TTC3: variants seen among roughly 807,000 people sequenced by gnomAD.
The protein encoded by TTC3 is tetratricopeptide repeat domain 3.
Under a neutral mutation model 249.6 loss-of-function variants are expected in TTC3, and 180 were observed. The observed-to-expected ratio is 0.72, with a 90% confidence interval of 0.64 to 0.82. The LOEUF (loss-of-function observed/expected upper bound fraction) is 0.82, where lower values mean the gene tolerates loss of function less well. Among genes scored for constraint, TTC3 ranks in the 40% least tolerant of loss-of-function variants. The pLI is 0.00. For missense variants in TTC3, 2,061 were observed against 2,398.4 expected, an observed-to-expected ratio of 0.86 and a Z score of 2.94; for synonymous variants, 717 against 805.0, an observed-to-expected ratio of 0.89 and a Z score of 1.85.
At position 37,090,295 on chromosome 21, in the gene TTC3, T is replaced by TA. The variant is rs772573886; in HGVS notation, c.480+12dup. 7 of 1,603,248 alleles carry TA rather than the reference T, an allele frequency of 4.4e-6. No homozygotes were observed. In the Admixed American group the frequency reaches 8.5e-5, roughly 19 times the overall value. On this transcript the variant is annotated intron_variant, in intron 6 of 45. Transcript: ENST00000355666. ...GTTGTAAAATAGAAAATGTAAGTGT[T>TA]AAACACTGAAACTGGCACAGCCACT...
intron 28 of TTC3, chr21:37,157,140 A>G: frequency 7.0e-7 from 1 of 1,435,610 alleles, no homozygotes; most frequent in Non-Finnish European, 9.3e-7. Flanking sequence ...CTAACAATAC[A>G]CAATGTTCTT....
chr21:37,194,358 T>C (rs1403664042), intron 41 of TTC3: 1 of 152,204 alleles, frequency 6.6e-6, no homozygotes, highest in Non-Finnish European at 1.5e-5. Flanking sequence ...CATGGTCACA[T>C]TGTGACCTCC....
intron 27 of TTC3, among the ~76,000 whole-genome samples, chr21:37,156,207 T>TTTTTG (rs71198854): frequency 0.042 from 3,691 of 88,918 alleles, 82 homozygotes; most frequent in Non-Finnish European, 0.049. Context: ...TGGCTAACTC[T>TTTTTG]TTTTTTTTTT....
At chr21:37,161,667 G>A (rs2080766864) in intron 30 of TTC3, among the ~76,000 whole-genome samples, 1 of 152,208 alleles carries the variant, frequency 6.6e-6, no homozygotes, top group Non-Finnish European at 1.5e-5. Context: ...TTCAAAGGAT[G>A]AGAACAGTTA....
chr21:37,087,201 T>C (rs2072606033), intron 1 of TTC3, 46 bp from the exon 2 acceptor site: 3 of 1,593,626 alleles, frequency 1.9e-6, no homozygotes, highest in Admixed American at 1.8e-5. Context: ...TCTTCTGTTA[T>C]CTCAAATGAT....
chr21:37,197,033 T>C (rs185056992), intron 42 of TTC3, among the ~76,000 whole-genome samples: 1 of 152,336 alleles, frequency 6.6e-6, no homozygotes, highest in Admixed American at 6.5e-5. Context: ...GTAGAGGCGG[T>C]GTCTCTGAAG....
intron 32 of TTC3, among the ~76,000 whole-genome samples, chr21:37,165,029 T>C (rs1448189879): frequency 6.6e-6 from 1 of 152,198 alleles, no homozygotes; most frequent in Non-Finnish European, 1.5e-5. Flanking sequence ...AGAGAACTCT[T>C]GGGTGACAGT....
In TTC3 at chr21:37,107,345, AT is replaced by A. The variant is rs903812231; in HGVS notation, c.846-1045del. ...TGAGAGGTGGATACCTGAATTAGTG[AT>A]TGAACAGTTTGAAGTTTGAACAGTT... On this transcript the variant is annotated intron_variant, in intron 10 of 45. Coordinates refer to ENST00000355666, the Ensembl canonical transcript of TTC3. Among the ~76,000 whole-genome samples, 26 of 152,292 alleles carry A rather than the reference AT, an allele frequency of 1.7e-4. No individual in the cohort carries two copies. The South Asian group carries it at 2.5e-3, about 15-fold the overall frequency.
At chr21:37,155,695 T>G (rs1177683933) in intron 27 of TTC3, among the ~76,000 whole-genome samples, 1 of 152,220 alleles carries the variant, frequency 6.6e-6, no homozygotes, top group Non-Finnish European at 1.5e-5. Context: ...TCCTTTTTGC[T>G]GGCTGTTCAT....
rs2081037458 is a variant in TTC3 at position 37,164,154 on chromosome 21, G to T, written c.3274G>T (p.Val1092Phe). The T allele has an allele frequency of 1.9e-6, 3 of 1,613,430 alleles. No individual in the cohort carries two copies. In the African/African-American group the frequency reaches 4.0e-5, roughly 22 times the overall value. ...CTATGACCAACACAGTAACGAATAT[G>T]TTGTCCGCAATAAGAAGCTATGGGA... Residue 1092 changes from valine to phenylalanine, a missense_variant, in exon 32 of 46, where the codon GTT becomes TTT. Val to Phe is a conservative substitution (Grantham distance 50). This residue lies in a region of TTC3 where 1,040 missense variants were observed against 1,186.1 expected (regional missense o/e 0.88). Coordinates refer to ENST00000355666, the Ensembl canonical transcript of TTC3.
intron 21 of TTC3, among the ~76,000 whole-genome samples, chr21:37,145,912 C>T (rs971223727): frequency 6.6e-6 from 1 of 152,186 alleles, no homozygotes; most frequent in Non-Finnish European, 1.5e-5. Flanking sequence ...CTCAAAACAC[C>T]TCCCACTGTG....
At chr21:37,104,309 G>T (rs1350995649) in intron 10 of TTC3, among the ~76,000 whole-genome samples, 1 of 152,082 alleles carries the variant, frequency 6.6e-6, no homozygotes, top group African/African-American at 2.4e-5. Flanking sequence ...GCCTTTGAAG[G>T]CCAGGCATGG....
chr21:37,182,725 TA>T, intron 35 of TTC3, 48 bp from the exon 36 acceptor site: 1 of 1,496,334 alleles, frequency 6.7e-7, no homozygotes, highest in South Asian at 1.3e-5. Flanking sequence ...TCTCTTTTGT[TA>T]AAAAGTATAT....
intron 18 of TTC3, among the ~76,000 whole-genome samples, chr21:37,136,372 A>AAGG (rs1417770000): frequency 1.3e-5 from 2 of 152,234 alleles, no homozygotes; most frequent in Non-Finnish European, 2.9e-5. Flanking sequence ...AATGCAAAGA[A>AAGG]ACAGTTTTTG....
In TTC3 at chr21:37,090,932, T is replaced by A. The variant is rs548982801; in HGVS notation, c.481-361T>A. 1.7e-4 allele frequency among the ~76,000 whole-genome samples: 26 copies of A among 152,304 alleles called. No individual in the cohort carries two copies. The South Asian group carries it at 5.4e-3, about 32-fold the overall frequency. The stretch of plus-strand genomic sequence containing the variant: ...CTTGGGGTAAGGATGGAAGTCTTTG[T>A]GTAGATGAGATCTGAGAACCCTCAT... On this transcript the variant is annotated intron_variant, in intron 6 of 45. Coordinates refer to ENST00000355666, the Ensembl canonical transcript of TTC3.
chr21:37,077,276 G>A (rs1040326880), intron 1 of TTC3, among the ~76,000 whole-genome samples: 1 of 152,014 alleles, frequency 6.6e-6, no homozygotes, highest in African/African-American at 2.4e-5. Context: ...TCATCTTAAT[G>A]GGTAAAGGGT....
At chr21:37,104,610 GAAA>G (rs1292462847) in intron 10 of TTC3, among the ~76,000 whole-genome samples, 2 of 121,686 alleles carry the variant, frequency 1.6e-5, no homozygotes, top group Non-Finnish European at 3.5e-5. Flanking sequence ...AAAAAAAAAA[GAAA>G]GAAGTGCCTT....
chr21:37,149,436 G>A (rs1298929700), intron 23 of TTC3, among the ~76,000 whole-genome samples: 1 of 152,150 alleles, frequency 6.6e-6, no homozygotes, highest in African/African-American at 2.4e-5. Flanking sequence ...GTAAATAACT[G>A]TCACCTTTGA....
intron 16 of TTC3, among the ~76,000 whole-genome samples, chr21:37,132,210 T>C (rs1404300247): frequency 6.6e-6 from 1 of 152,216 alleles, no homozygotes; most frequent in African/African-American, 2.4e-5. Context: ...CCCCAAAGAA[T>C]GGCCAACTTG....
Sources: allele counts gnomAD v4.1 joint callset (sites outside exome capture counted in the v4.1 genomes callset), GRCh38; gene constraint gnomAD v4.1.1; regional missense constraint gnomAD v4.1.1; transcripts MANE v1.5; gene names NCBI Gene and HGNC (gene_info 2026-07-23, HGNC 2026-07-21).